Variants in MAST2 observed in about 807,000 individuals in gnomAD.
The protein encoded by MAST2 is microtubule-associated serine/threonine-protein kinase 2.
In MAST2, 70 loss-of-function variants were observed where a neutral mutation model predicts 147.4. The ratio of observed to expected loss-of-function variants is 0.47; its 90% CI spans 0.39 to 0.58. The LOEUF is 0.58. MAST2 is among the 20% of genes least tolerant of loss of function. MAST2 has a pLI of 0.00. For synonymous variants in MAST2, 869 were observed against 896.8 expected (o/e 0.97, Z 0.55); for missense variants, 2,080 against 2,302.3 (o/e 0.90, Z 1.98).
Position 46,031,727 on chromosome 1 carries a change from G to A in MAST2, c.3187+142G>A. 1.2e-6 allele frequency: 1 copy of A among 832,390 alleles called. No homozygotes were observed. Among genetic ancestry groups the A allele is most frequent in the Non-Finnish European group, 1.8e-6 (1 of 544,816 alleles). 51.6% of individuals were successfully genotyped at this position (832,390 alleles called of 1,614,324 possible). ...GTGGTCTCTGAAGGTGTGTATTGGT[G>A]TCTGGGGTTGTGTATACATGTGCCA... is the stretch of plus-strand genomic sequence containing the variant. On this transcript the variant is annotated intron_variant, in intron 24 of 28. Coordinates refer to ENST00000361297, the MANE Select transcript of MAST2 (RefSeq NM_015112.3). The surrounding 1 kb of genome is among the most constrained non-coding windows in gnomAD (Gnocchi z 4.1).
At chr1:45,873,535 C>T (rs1646483681) in intron 3 of MAST2, among the ~76,000 whole-genome samples, 1 of 152,058 alleles carries the variant, frequency 6.6e-6, no homozygotes, top group South Asian at 2.1e-4. Context: ...TTACTTTAAA[C>T]TTTTAAGTTT....
At chr1:45,825,285 A>G (rs921066298) in intron 2 of MAST2, among the ~76,000 whole-genome samples, 3 of 152,156 alleles carry the variant, frequency 2.0e-5, no homozygotes, top group African/African-American at 4.8e-5. Flanking sequence ...TCAGCCTCCC[A>G]TAGTGCTGGG....
At chr1:45,990,571 A>G (rs1431673782) in intron 5 of MAST2, among the ~76,000 whole-genome samples, 1 of 152,096 alleles carries the variant, frequency 6.6e-6, no homozygotes, top group Non-Finnish European at 1.5e-5. Context: ...ACAGCCCACT[A>G]CAGCCCAAGC....
chr1:45,942,675 A>T (rs1657474734), intron 4 of MAST2, among the ~76,000 whole-genome samples: 1 of 152,310 alleles, frequency 6.6e-6, no homozygotes, highest in Non-Finnish European at 1.5e-5. Context: ...AATTGTGTGA[A>T]GGTGACTAGG....
intron 10 of MAST2, among the ~76,000 whole-genome samples, chr1:46,019,157 G>A (rs1402744888): frequency 6.6e-6 from 1 of 151,974 alleles, no homozygotes; most frequent in Non-Finnish European, 1.5e-5. Context: ...ATTTAGCCTT[G>A]CCCTCTTTAG....
intron 4 of MAST2, among the ~76,000 whole-genome samples, chr1:45,902,085 T>C (rs11211222): frequency 0.34 from 51,722 of 152,096 alleles, 9,196 homozygotes; most frequent in African/African-American, 0.44. Flanking sequence ...TTTCAGTTTT[T>C]GCCCATTCAG....
chr1:45,916,386 A>T (rs369884347), intron 4 of MAST2, among the ~76,000 whole-genome samples: 5 of 152,190 alleles, frequency 3.3e-5, no homozygotes, highest in Non-Finnish European at 7.4e-5. Flanking sequence ...TATTTTTATC[A>T]TGTGTCGTTT....
At chr1:45,886,860 T>C (rs1647113558) in intron 4 of MAST2, among the ~76,000 whole-genome samples, 1 of 152,140 alleles carries the variant, frequency 6.6e-6, no homozygotes, top group Non-Finnish European at 1.5e-5. Context: ...AGGGTCTCAT[T>C]CTTTAGCCTA....
rs759806507 is a variant in MAST2 at position 46,023,803 on chromosome 1, C to T, written c.1603C>T (p.Arg535Trp). The stretch of plus-strand genomic sequence containing the variant: ...ATTTCTGGTGCGGCACAAGTCCACC[C>T]GGCAGCGCTTTGCCATGAAGAAGAT... ...AVFLVRHKST[R>W]QRFAMKKINK... is the part of the protein sequence containing the mutation. The change falls in exon 15 of 29, where the codon CGG becomes TGG. Residue 535 changes from arginine (R) to tryptophan (W), a missense_variant. By Grantham distance (101) the Arg-to-Trp change is moderately radical. This residue lies in a region of MAST2 where 569 missense variants were observed against 642.5 expected (regional missense o/e 0.89). Coordinates refer to ENST00000361297, the MANE Select transcript of MAST2 (RefSeq NM_015112.3). The surrounding 1 kb of genome is among the most constrained non-coding windows in gnomAD (Gnocchi z 4.9). 7.1e-5 allele frequency: 114 copies of T among 1,613,922 alleles called. No individual in the cohort carries two copies. Among genetic ancestry groups the T allele is most frequent in the Admixed American group, 1.2e-4 (7 of 59,984 alleles).
At chr1:45,978,456 C>T (rs1644264310) in intron 5 of MAST2, among the ~76,000 whole-genome samples, 2 of 152,150 alleles carry the variant, frequency 1.3e-5, no homozygotes, top group South Asian at 2.1e-4. Flanking sequence ...GCAGAGGTTG[C>T]AGTGAGCAAA....
intron 1 of MAST2, among the ~76,000 whole-genome samples, chr1:45,813,696 A>G (rs1163935750): frequency 1.3e-5 from 2 of 151,910 alleles, no homozygotes; most frequent in East Asian, 3.9e-4. Context: ...ACAGTGTTTC[A>G]CCATGTTGGC....
At chr1:46,012,370 C>T (rs1645749834) in intron 10 of MAST2, among the ~76,000 whole-genome samples, 1 of 152,200 alleles carries the variant, frequency 6.6e-6, no homozygotes, top group Non-Finnish European at 1.5e-5. Flanking sequence ...ATAGGAAGAG[C>T]ACTGAATTTG....
chr1:45,994,157 A>G (rs1644957440), intron 5 of MAST2, among the ~76,000 whole-genome samples: 1 of 152,078 alleles, frequency 6.6e-6, no homozygotes, highest in Non-Finnish European at 1.5e-5. Context: ...TTTATTTTAT[A>G]AGCATGATTG....
At chr1:45,816,510 G>A (rs1644460007) in intron 1 of MAST2, among the ~76,000 whole-genome samples, 1 of 151,956 alleles carries the variant, frequency 6.6e-6, no homozygotes, top group South Asian at 2.1e-4. Context: ...GAGAAATACA[G>A]GATAACACAG....
intron 2 of MAST2, among the ~76,000 whole-genome samples, chr1:45,827,685 G>C (rs1195727657): frequency 6.6e-6 from 1 of 151,936 alleles, no homozygotes; most frequent in African/African-American, 2.4e-5. Flanking sequence ...GGGCTTTATG[G>C]AAAGACTTTC....
At chr1:45,881,280 A>T (rs1646833860) in intron 3 of MAST2, among the ~76,000 whole-genome samples, 1 of 152,238 alleles carries the variant, frequency 6.6e-6, no homozygotes, top group Non-Finnish European at 1.5e-5. Context: ...ATATTCATAG[A>T]CTGGACCACT....
intron 3 of MAST2, among the ~76,000 whole-genome samples, chr1:45,831,928 T>A (rs1644970453): frequency 6.6e-6 from 1 of 151,830 alleles, no homozygotes; most frequent in African/African-American, 2.4e-5. Flanking sequence ...TACAGGTGCG[T>A]ACCACTACAC....
intron 4 of MAST2, among the ~76,000 whole-genome samples, chr1:45,934,485 GC>G (rs1489902411): frequency 6.6e-6 from 1 of 151,858 alleles, no homozygotes; most frequent in Non-Finnish European, 1.5e-5. Flanking sequence ...GAGTGCAGTG[GC>G]ATGATCTCAG....
At chr1:46,007,355 G>A (rs1456409533) in intron 8 of MAST2, among the ~76,000 whole-genome samples, 1 of 152,134 alleles carries the variant, frequency 6.6e-6, no homozygotes, top group East Asian at 1.9e-4. Flanking sequence ...GATGAAGATG[G>A]TATCTGAGGC....
Sources: allele counts gnomAD v4.1 joint callset (sites outside exome capture counted in the v4.1 genomes callset), GRCh38; gene constraint gnomAD v4.1.1; regional missense constraint gnomAD v4.1.1; non-coding constraint Gnocchi (gnomAD v3.1); transcripts MANE v1.5; gene names NCBI Gene and HGNC (gene_info 2026-07-23, HGNC 2026-07-21).